Variants in FRMPD3 observed in about 807,000 individuals in gnomAD.
FRMPD3 encodes the protein FERM and PDZ domain containing 3.
Under a neutral mutation model 97.9 loss-of-function variants are expected in FRMPD3, and 42 were observed. That is an observed-to-expected ratio of 0.43 (90% CI 0.34 to 0.55). The LOEUF is 0.55. FRMPD3 is among the 20% of genes least tolerant of loss of function. The pLI, the probability that FRMPD3 is intolerant of heterozygous loss-of-function variation, is 0.03. For missense variants in FRMPD3, 1,303 were observed against 1,457.7 expected, an observed-to-expected ratio of 0.89 and a Z score of 1.73; for synonymous variants, 577 against 581.1, an observed-to-expected ratio of 0.99 and a Z score of 0.10.
intron 1 of FRMPD3, 66 bp from the exon 2 acceptor site, chrX:107,526,516 C>T (rs190609174): frequency 9.5e-7 from 1 of 1,047,182 alleles, no homozygotes; most frequent in African/African-American, 1.8e-5. Flanking sequence ...TGGCATCTCT[C>T]CCTGCTGGTT....
chrX:107,516,549 C>T (rs1214161497), intron 1 of FRMPD3, among the ~76,000 whole-genome samples: 9 of 111,448 alleles, frequency 8.1e-5, no homozygotes, highest in African/African-American at 3.0e-4. Context: ...TGTTTCCTGA[C>T]TTTTTAATGA....
intron 12 of FRMPD3, among the ~76,000 whole-genome samples, chrX:107,575,057 G>A (rs145470356): frequency 0.015 from 1,703 of 112,235 alleles, 39 homozygotes; most frequent in African/African-American, 0.052. Flanking sequence ...TGATTTTCTT[G>A]AATAGCATTG....
In FRMPD3 at chrX:107,479,873, G is replaced by C. The variant is rs1242794730; in HGVS notation, c.-8+29868G>C. 7.0e-4 allele frequency among the ~76,000 whole-genome samples: 76 copies of C among 108,847 alleles called. 1 individual carries two copies. Among genetic ancestry groups the C allele is most frequent in the African/African-American group, 2.4e-3 (71 of 29,766 alleles). The allele number at this position is 108,847 out of a possible 115,157, so 94.5% of individuals were successfully genotyped here. A position where few individuals can be genotyped will look rare whatever the true frequency, so the allele number is the denominator to read the frequency against. On this transcript the variant is annotated intron_variant, in intron 1 of 14. Coordinates refer to ENST00000683843, the MANE Select transcript of FRMPD3 (RefSeq NM_001388459.1). Reference sequence around the variant, plus strand: ...ACACACACACACACACACAGAGAGAGAGAGAGGGTGCAAAACTGGCCAAAA... The same window carrying C: ...ACACACACACACACACACAGAGAGACAGAGAGGGTGCAAAACTGGCCAAAA...
intron 4 of FRMPD3, among the ~76,000 whole-genome samples, chrX:107,536,829 G>A (rs186960534): frequency 4.0e-4 from 45 of 111,772 alleles, no homozygotes; most frequent in African/African-American, 1.4e-3. Context: ...TCATTAGAAT[G>A]TCAGCTCCAT....
chrX:107,546,567 G>A (rs1341129039), intron 5 of FRMPD3, among the ~76,000 whole-genome samples: 1 of 112,387 alleles, frequency 8.9e-6, no homozygotes, highest in Non-Finnish European at 1.9e-5. Flanking sequence ...ACTGCTTTGG[G>A]AGGTTTACAT....
At chrX:107,477,185 T>C (rs1049196786) in intron 1 of FRMPD3, among the ~76,000 whole-genome samples, 5 of 112,748 alleles carry the variant, frequency 4.4e-5, no homozygotes, top group African/African-American at 1.3e-4. Flanking sequence ...ACTTATTCCC[T>C]AGTTTTGCCT....
In FRMPD3 at chrX:107,598,034, C is replaced by G; in HGVS notation, c.2155C>G (p.Arg719Gly). ...LIDSVQTRTV[R>G]DHAQELDDAL... The stretch of plus-strand genomic sequence containing the variant: ...TGACAGTGTGCAGACCCGGACAGTT[C>G]GAGATCATGCCCAGGAGCTAGATGA... Residue 719 changes from arginine to glycine, a missense_variant, in exon 14 of 15, where the codon CGA (arginine) becomes GGA (glycine). By Grantham distance (125) the Arg-to-Gly change is moderately radical (BLOSUM62 -2). This residue lies in a region of FRMPD3 where 535 missense variants were observed against 618.6 expected (regional missense o/e 0.86). Transcript: ENST00000683843. The G allele has an allele frequency of 8.3e-7, 1 of 1,210,431 alleles. No individual in the cohort carries two copies. The highest frequency in any genetic ancestry group is 1.1e-6 in the Non-Finnish European group (1 of 895,200).
intron 13 of FRMPD3, among the ~76,000 whole-genome samples, chrX:107,577,596 C>T (rs976473480): frequency 1.6e-4 from 18 of 109,780 alleles, no homozygotes; most frequent in Non-Finnish European, 7.6e-5. Context: ...TTGCAGTGAG[C>T]CGAGATCCCG....
intron 8 of FRMPD3, among the ~76,000 whole-genome samples, chrX:107,559,269 T>C: frequency 8.9e-6 from 1 of 111,775 alleles, no homozygotes; most frequent in Non-Finnish European, 1.9e-5. Flanking sequence ...CACCTGGCCT[T>C]ATATAGCATT....
At chrX:107,563,343 C>A in intron 11 of FRMPD3, 143 bp downstream of exon 11, 1 of 444,370 alleles carries the variant, frequency 2.3e-6, no homozygotes. Flanking sequence ...CCTGGCCCTG[C>A]CTCTGCCAAA....
chrX:107,521,243 C>T (rs1002701977), intron 1 of FRMPD3, among the ~76,000 whole-genome samples: 2 of 112,464 alleles, frequency 1.8e-5, no homozygotes, highest in African/African-American at 6.5e-5. Context: ...TAACCCAGGC[C>T]TTCAATGCCA....
chrX:107,603,201 A>G lies in FRMPD3; in HGVS notation c.5162A>G (p.Gln1721Arg). ...CGTAACCTTAACCAGCAGCAGCAGCAACAACAACAGCAGCAGCAGCAACAA... is the reference window on the plus strand; with the variant it reads ...CGTAACCTTAACCAGCAGCAGCAGCGACAACAACAGCAGCAGCAGCAACAA... ...TARNLNQQQQ[Q>R]QQQQQQQQQQ... Residue 1721 changes from glutamine to arginine, a missense_variant, in exon 15 of 15, where the codon CAA (glutamine) becomes CGA (arginine). By Grantham distance (43) the Gln-to-Arg change is conservative. Coordinates refer to ENST00000683843, the MANE Select transcript of FRMPD3 (RefSeq NM_001388459.1). 2 of 1,179,036 alleles carry G rather than the reference A, an allele frequency of 1.7e-6. No individual in the cohort carries two copies. The highest frequency in any genetic ancestry group is 2.3e-6 in the Non-Finnish European group (2 of 879,493).
chrX:107,589,997 A>G (rs1202923260), intron 13 of FRMPD3, among the ~76,000 whole-genome samples: 1 of 110,927 alleles, frequency 9.0e-6, no homozygotes, highest in Non-Finnish European at 1.9e-5. Flanking sequence ...CTAAAAATAC[A>G]AAAAATTAGC....
chrX:107,493,773 C>T (rs1412213223), intron 1 of FRMPD3, among the ~76,000 whole-genome samples: 1 of 111,627 alleles, frequency 9.0e-6, no homozygotes, highest in Non-Finnish European at 1.9e-5. Context: ...AGTCTCAGGG[C>T]CCCATTTTTT....
In FRMPD3 at chrX:107,478,907, G is replaced by A. The variant is rs371219673; in HGVS notation, c.-8+28902G>A. ...GAATCTGGTTTGGGGTGGGGTGGGG[G>A]TAGTGCTAGAGGTGGAGAATGAGGC... On this transcript the variant is annotated intron_variant, in intron 1 of 14. Transcript: ENST00000683843. Among the ~76,000 whole-genome samples the A allele has an allele frequency of 3.3e-3, 365 of 111,469 alleles. 4 individuals carry two copies. The highest frequency in any genetic ancestry group is 0.011 in the African/African-American group (345 of 30,664).
intron 13 of FRMPD3, among the ~76,000 whole-genome samples, chrX:107,595,448 A>T (rs1454379393): frequency 8.9e-6 from 1 of 111,769 alleles, no homozygotes; most frequent in East Asian, 2.8e-4. Context: ...TTTTAAATCT[A>T]GTAAGGCTTA....
chrX:107,453,566 A>T (rs1382470312), intron 1 of FRMPD3, among the ~76,000 whole-genome samples: 1 of 111,758 alleles, frequency 8.9e-6, no homozygotes, highest in Non-Finnish European at 1.9e-5. Flanking sequence ...AGAAACAAAA[A>T]CATTCTCTTG....
Position 107,603,213 on chromosome X carries a change from A to T in FRMPD3, c.5174A>T (p.Gln1725Leu). 1 of 1,172,823 alleles carries T rather than the reference A, an allele frequency of 8.5e-7. No individual in the cohort carries two copies. Among genetic ancestry groups the T allele is most frequent in the Non-Finnish European group, 1.1e-6 (1 of 875,911 alleles). ...CAGCAGCAGCAGCAACAACAACAGC[A>T]GCAGCAGCAACAACAACAGCAGCAG... The part of the protein sequence containing the change: ...LNQQQQQQQQ[Q>L]QQQQQQQQQQ... The change falls in exon 15 of 15, where the codon CAG becomes CTG. Residue 1725 changes from glutamine (Q) to leucine (L), a missense_variant. This residue lies in a region of FRMPD3 where 764 missense variants were observed against 820.2 expected (regional missense o/e 0.93). Transcript: ENST00000683843.
chrX:107,524,711 G>A (rs1036465845), intron 1 of FRMPD3, among the ~76,000 whole-genome samples: 3 of 111,275 alleles, frequency 2.7e-5, no homozygotes, highest in Non-Finnish European at 3.8e-5. Flanking sequence ...CATTGCTCTC[G>A]GCTAGGCGCG....
Sources: allele counts gnomAD v4.1 joint callset (sites outside exome capture counted in the v4.1 genomes callset), GRCh38; gene constraint gnomAD v4.1.1; regional missense constraint gnomAD v4.1.1; transcripts MANE v1.5; gene names NCBI Gene and HGNC (gene_info 2026-07-23, HGNC 2026-07-21).